Variants in VTA1 observed in about 807,000 individuals in gnomAD.
The protein encoded by VTA1 is vesicle trafficking 1, also known as vacuolar protein sorting-associated protein VTA1 homolog.
A neutral mutation model predicts 36.9 loss-of-function variants in VTA1; 24 were observed. That is an observed-to-expected ratio of 0.65 (90% CI 0.47 to 0.91). The LOEUF is 0.91. Ranked by LOEUF, VTA1 falls within the 40% of genes least tolerant of loss-of-function variation. The probability of loss-of-function intolerance (pLI) is 0.00; values close to 1 mark genes in which losing one functional copy is unlikely to be tolerated. For missense variants in VTA1, 393 were observed against 377.2 expected (o/e 1.04, Z -0.35); for synonymous variants, 142 against 130.2 (o/e 1.09, Z -0.62).
intron 7 of VTA1, among the ~76,000 whole-genome samples, chr6:142,207,028 A>T (rs1172913338): frequency 1.3e-5 from 2 of 152,176 alleles, no homozygotes; most frequent in African/African-American, 2.4e-5. Flanking sequence ...TACTGGCTTC[A>T]TTCCCCACCA....
rs964996962 is a variant in VTA1 at position 142,178,812 on chromosome 6, A to AT, written c.411+8400dup. ...TTTATAGTAGAGGTTTTCAGACTAG[A>AT]TTTTTTTTTAAAAGCAAGCCTTAAC... is the stretch of plus-strand genomic sequence containing the variant. On this transcript the variant is annotated intron_variant, in intron 4 of 7. Coordinates refer to ENST00000367630, the MANE Select transcript of VTA1 (RefSeq NM_016485.5). Among the ~76,000 whole-genome samples, 10 of 151,580 alleles carry AT rather than the reference A, an allele frequency of 6.6e-5. No homozygotes were observed. In the East Asian group the frequency reaches 1.4e-3, roughly 21 times the overall value.
chr6:142,153,197 A>G (rs1778599924), intron 1 of VTA1, among the ~76,000 whole-genome samples: 1 of 152,062 alleles, frequency 6.6e-6, no homozygotes, highest in Admixed American at 6.5e-5. Flanking sequence ...CTAATAGTCC[A>G]CTAAAATGTA....
At chr6:142,176,933 G>C (rs1260452150) in intron 4 of VTA1, among the ~76,000 whole-genome samples, 1 of 152,176 alleles carries the variant, frequency 6.6e-6, no homozygotes, top group Non-Finnish European at 1.5e-5. Context: ...ATAGCTGGCT[G>C]TGAGAAGGTG....
Position 142,170,432 on chromosome 6 carries a change from A to T in VTA1, c.411+11A>T, listed in dbSNP as rs753218455. ...GAACTCACTGATGAAGTGAGTGTAC[A>T]TTCTTTATTGTCTTATTAGCTGAAG... On this transcript the variant is annotated intron_variant, in intron 4 of 7. Transcript: ENST00000367630. 1 of 1,550,894 alleles carries T rather than the reference A, an allele frequency of 6.4e-7. No individual in the cohort carries two copies. The highest frequency in any genetic ancestry group is 1.2e-5 in the South Asian group (1 of 84,974).
chr6:142,198,604 C>CT lies in VTA1; in HGVS notation c.687dup (p.His230SerfsTer8). The CT allele has an allele frequency of 1.2e-6, 2 of 1,611,232 alleles. No homozygotes were observed. Among genetic ancestry groups the CT allele is most frequent in the Non-Finnish European group, 1.7e-6 (2 of 1,178,328 alleles). On this transcript the variant is annotated frameshift_variant, in exon 6 of 8. Coordinates refer to ENST00000367630, the MANE Select transcript of VTA1 (RefSeq NM_016485.5). LOFTEE classifies it high-confidence loss of function. ...CCAGCTAATACACCAGCAGAAGTGC[C>CT]TCACAGCACAGGTGGGAAACTGTAA...
chr6:142,151,368 T>C (rs926701780), intron 1 of VTA1, among the ~76,000 whole-genome samples: 1 of 152,124 alleles, frequency 6.6e-6, no homozygotes, highest in African/African-American at 2.4e-5. Flanking sequence ...AAAATTTTCA[T>C]GAGATGACCT....
At chr6:142,175,819 A>G (rs1318019456) in intron 4 of VTA1, among the ~76,000 whole-genome samples, 1 of 151,754 alleles carries the variant, frequency 6.6e-6, no homozygotes, top group African/African-American at 2.4e-5. Flanking sequence ...CTTGTATAAA[A>G]CTAAAGTCTA....
intron 1 of VTA1, among the ~76,000 whole-genome samples, chr6:142,160,843 T>A (rs563141349): frequency 1.3e-5 from 2 of 152,222 alleles, no homozygotes; most frequent in Non-Finnish European, 2.9e-5. Context: ...GTTCGCCATG[T>A]GTCAGCACAA....
At chr6:142,156,323 A>G (rs1778661431) in intron 1 of VTA1, among the ~76,000 whole-genome samples, 1 of 152,206 alleles carries the variant, frequency 6.6e-6, no homozygotes, top group African/African-American at 2.4e-5. Flanking sequence ...AGGGACTAGT[A>G]CAATCCATGG....
chr6:142,155,730 C>T (rs1370099671), intron 1 of VTA1, among the ~76,000 whole-genome samples: 1 of 152,180 alleles, frequency 6.6e-6, no homozygotes, highest in African/African-American at 2.4e-5. Flanking sequence ...CACCTCTTCT[C>T]TTCCCCACCA....
At position 142,221,329 on chromosome 6, in the gene VTA1, G is replaced by A. The variant is rs1776105254; in HGVS notation, c.*2686G>A. On this transcript the variant is annotated 3_prime_UTR_variant, in exon 8 of 8. Coordinates refer to ENST00000367630, the MANE Select transcript of VTA1 (RefSeq NM_016485.5). ...TATGCATATTTCAATAGAATAGCCA[G>A]GATAGACCTCCCTGAGGTAACATTT... The A allele has an allele frequency of 6.6e-6, 1 of 152,150 alleles. No individual in the cohort carries two copies. Among genetic ancestry groups the A allele is most frequent in the African/African-American group, 2.4e-5 (1 of 41,412 alleles). The allele number at this position is 152,150 out of a possible 1,614,324, so 9.4% of individuals were successfully genotyped here. A position where few individuals can be genotyped will look rare whatever the true frequency, so the allele number is the denominator to read the frequency against.
At chr6:142,170,844 C>T (rs991133737) in intron 4 of VTA1, among the ~76,000 whole-genome samples, 5 of 151,918 alleles carry the variant, frequency 3.3e-5, no homozygotes, top group Admixed American at 2.6e-4. Flanking sequence ...AAGCTGGTGT[C>T]GAACTCTTGA....
chr6:142,171,418 T>C (rs1011345235), intron 4 of VTA1, among the ~76,000 whole-genome samples: 4 of 148,866 alleles, frequency 2.7e-5, no homozygotes, highest in Admixed American at 1.3e-4. Context: ...TTTTTATGAC[T>C]TTTTTTCTGT....
In VTA1 at chr6:142,220,192, C is replaced by T. The variant is rs1360791677; in HGVS notation, c.*1549C>T. ...TCCTATCTTTTACAAGAGGTATGAA[C>T]ATTTGTAGGGTTCCACATTTGCATC... is the stretch of plus-strand genomic sequence containing the variant. On this transcript the variant is annotated 3_prime_UTR_variant, in exon 8 of 8. Coordinates refer to ENST00000367630, the MANE Select transcript of VTA1 (RefSeq NM_016485.5). 6.6e-6 allele frequency: 1 copy of T among 152,132 alleles called. No individual in the cohort carries two copies. Among genetic ancestry groups the T allele is most frequent in the Non-Finnish European group, 1.5e-5 (1 of 68,014 alleles). The allele number at this position is 152,132 out of a possible 1,614,324, so 9.4% of individuals were successfully genotyped here. A position where few individuals can be genotyped will look rare whatever the true frequency, so the allele number is the denominator to read the frequency against.
In VTA1 at chr6:142,200,909, T is replaced by C. The variant is rs73574233; in HGVS notation, c.697+2294T>C. On this transcript the variant is annotated intron_variant, in intron 6 of 7. Coordinates refer to ENST00000367630, the MANE Select transcript of VTA1 (RefSeq NM_016485.5). The stretch of plus-strand genomic sequence containing the variant: ...TTATCATGGCTAATTTCCACACTTA[T>C]TCTTGCAGCAACTATATTATGTATT... Among the ~76,000 whole-genome samples the C allele has an allele frequency of 8.5e-3, 1,291 of 152,088 alleles. 20 individuals carry two copies. The highest frequency in any genetic ancestry group is 0.029 in the African/African-American group (1,221 of 41,562).
At chr6:142,195,526 T>C (rs1057075564) in intron 5 of VTA1, among the ~76,000 whole-genome samples, 25 of 151,342 alleles carry the variant, frequency 1.7e-4, no homozygotes, top group African/African-American at 6.0e-4. Context: ...AAGTACTTAG[T>C]ACAGTTTTTT....
At chr6:142,166,133 A>G in intron 1 of VTA1, 95 bp from the exon 2 acceptor site, 1 of 795,748 alleles carries the variant, frequency 1.3e-6, no homozygotes. Flanking sequence ...ATTTACTTGA[A>G]TTTTTAATTA....
At chr6:142,159,117 T>C (rs1049142916) in intron 1 of VTA1, among the ~76,000 whole-genome samples, 3 of 152,154 alleles carry the variant, frequency 2.0e-5, no homozygotes, top group African/African-American at 7.2e-5. Flanking sequence ...CTCAGCACTT[T>C]GGGAGGCCGA....
chr6:142,151,826 G>T (rs886986104), intron 1 of VTA1, among the ~76,000 whole-genome samples: 1 of 152,172 alleles, frequency 6.6e-6, no homozygotes, highest in African/African-American at 2.4e-5. Context: ...CCGAGGTCAG[G>T]AGTTCAAGAT....
Sources: gnomAD v4.1 joint callset for allele counts (sites outside exome capture counted in the v4.1 genomes callset) on GRCh38, gnomAD v4.1.1 for gene constraint, MANE v1.5 for transcripts, NCBI Gene and HGNC (gene_info 2026-07-23, HGNC 2026-07-21) for gene names.